The following CES1 variants were observed in gnomAD, a reference collection of about 807,000 sequenced individuals.
CES1 encodes carboxylesterase 1.
A neutral mutation model predicts 53.0 loss-of-function variants in CES1; 50 were observed. The observed-to-expected ratio is 0.94, with a 90% CI of 0.75 to 1.19. CES1 has a LOEUF of 1.19. Ranked by LOEUF, CES1 falls within the 50% of genes most tolerant of loss-of-function variation. CES1 has a pLI of 0.00. For missense variants in CES1, 534 were observed against 538.0 expected (o/e 0.99, Z 0.07); for synonymous variants, 202 against 210.1 (o/e 0.96, Z 0.33).
At chr16:55,823,277 G>C (rs1466907792) in intron 4 of CES1, among the ~76,000 whole-genome samples, 1 of 152,164 alleles carries the variant, frequency 6.6e-6, no homozygotes, top group African/African-American at 2.4e-5. Context: ...TCTTTCAGTG[G>C]AGGTAACTGG....
Position 55,823,463 on chromosome 16 carries a change from T to C in CES1, c.539+87A>G, listed in dbSNP as rs545706705. On this transcript the variant is annotated intron_variant, in intron 4 of 13. Coordinates refer to ENST00000360526, the MANE Select transcript of CES1 (RefSeq NM_001025195.2). ...GCCTTACTGTGGAACCTAGCTAAGCTCCCCTGAGGGCTGGCATGACAAGAG... is the reference window on the plus strand; with the variant it reads ...GCCTTACTGTGGAACCTAGCTAAGCCCCCCTGAGGGCTGGCATGACAAGAG... 7.2e-4 allele frequency: 1,096 copies of C among 1,526,722 alleles called. 2 individuals carry two copies. The highest frequency in any genetic ancestry group is 1.8e-3 in the Admixed American group (104 of 59,288). The allele number at this position is 1,526,722 out of a possible 1,614,324, so 94.6% of individuals were successfully genotyped here.
At chr16:55,808,554 G>T (rs1445855253) in intron 11 of CES1, among the ~76,000 whole-genome samples, 5 of 152,200 alleles carry the variant, frequency 3.3e-5, no homozygotes, top group African/African-American at 4.8e-5. Flanking sequence ...GCAGTGGAAT[G>T]CAATTTTACA....
chr16:55,832,738 T>C (rs1447310512), intron 1 of CES1, among the ~76,000 whole-genome samples: 1 of 152,202 alleles, frequency 6.6e-6, no homozygotes, highest in African/African-American at 2.4e-5. Context: ...AAATTTCTCG[T>C]GTGTGCGGCC....
In CES1 at chr16:55,810,528, C is replaced by A; in HGVS notation, c.1307G>T (p.Arg436Leu). The A allele has an allele frequency of 6.2e-7, 1 of 1,614,120 alleles. No homozygotes were observed. The highest frequency in any genetic ancestry group is 8.5e-7 in the Non-Finnish European group (1 of 1,180,010). ...MFGVPSVIVA[R>L]NHRDAGAPTY... ...CCTCTGGGACTCACCTCTGTGGTTCCGGGCCACAATCACAGATGGGACACC... is the reference window on the plus strand; with the variant it reads ...CCTCTGGGACTCACCTCTGTGGTTCAGGGCCACAATCACAGATGGGACACC... The change falls in exon 11 of 14, where the codon CGG becomes CTG. Residue 436 changes from arginine to leucine, a missense_variant. Physicochemically the swap from Arg to Leu is moderately radical, Grantham distance 102. Coordinates refer to ENST00000360526, the MANE Select transcript of CES1 (RefSeq NM_001025195.2).
chr16:55,810,892 G>A (rs1181219174), intron 10 of CES1, 35 bp downstream of exon 10: 3 of 1,579,540 alleles, frequency 1.9e-6, no homozygotes, highest in Non-Finnish European at 2.6e-6. Flanking sequence ...CCCTCTCTGG[G>A]TCTCAGCCAA....
chr16:55,810,189 C>T (rs2031624214), intron 11 of CES1, among the ~76,000 whole-genome samples: 1 of 152,146 alleles, frequency 6.6e-6, no homozygotes, highest in African/African-American at 2.4e-5. Flanking sequence ...CTTGAGTTTC[C>T]CCGCTCCAGT....
intron 1 of CES1, among the ~76,000 whole-genome samples, chr16:55,831,717 C>T (rs539875225): frequency 6.7e-6 from 1 of 148,964 alleles, no homozygotes; most frequent in East Asian, 2.0e-4. Flanking sequence ...CTCTGCCCTT[C>T]CCCACAGTTC....
At chr16:55,817,039 G>A in intron 7 of CES1, 77 bp from the exon 8 acceptor site, 2 of 1,490,328 alleles carry the variant, frequency 1.3e-6, no homozygotes, top group Non-Finnish European at 1.9e-6. Context: ...GGGCAACAGA[G>A]GTGTCAGGTT....
At chr16:55,808,837 A>G (rs2142309898) in intron 11 of CES1, among the ~76,000 whole-genome samples, 1 of 152,284 alleles carries the variant, frequency 6.6e-6, no homozygotes, top group South Asian at 2.1e-4. Flanking sequence ...ATAGTGTTCT[A>G]TGAACAAAAG....
At chr16:55,814,518 G>A (rs1324691902) in intron 8 of CES1, among the ~76,000 whole-genome samples, 3 of 152,234 alleles carry the variant, frequency 2.0e-5, no homozygotes, top group Non-Finnish European at 4.4e-5. Flanking sequence ...TAAGAGGTGA[G>A]TTATTGTGAG....
intron 9 of CES1, 90 bp from the exon 10 acceptor site, chr16:55,811,100 G>A: frequency 9.4e-7 from 1 of 1,069,420 alleles, no homozygotes; most frequent in Non-Finnish European, 1.4e-6. Context: ...AATGCAGTCT[G>A]AAAGTCCTCT....
At chr16:55,819,905 T>C (rs1349715267) in intron 6 of CES1, 4 of 587,676 alleles carry the variant, frequency 6.8e-6, no homozygotes, top group South Asian at 1.9e-5. Context: ...AAGGTGAATG[T>C]GTCAAGAAAT....
At chr16:55,820,853 C>T (rs568047999) in intron 5 of CES1, among the ~76,000 whole-genome samples, 24 of 152,264 alleles carry the variant, frequency 1.6e-4, no homozygotes, top group Non-Finnish European at 2.2e-4. Flanking sequence ...AAGACTGTCG[C>T]CTCCTTCTTG....
rs181909738 is a variant in CES1 at position 55,830,751 on chromosome 16, A to C, written c.53-1777T>G. Among the ~76,000 whole-genome samples the C allele has an allele frequency of 4.0e-4, 60 of 150,912 alleles. 1 individual carries two copies. The highest frequency in any genetic ancestry group is 1.4e-3 in the African/African-American group (57 of 40,916). ...GAAAGATGGAAGGATGGAAGGAAGG[A>C]AGGAAAGAAGGAAGGAAGGAAAGAA... On this transcript the variant is annotated intron_variant, in intron 1 of 13. Coordinates refer to ENST00000360526, the MANE Select transcript of CES1 (RefSeq NM_001025195.2).
chr16:55,822,374 C>T (rs1239424595), intron 4 of CES1, among the ~76,000 whole-genome samples: 2 of 152,244 alleles, frequency 1.3e-5, no homozygotes, highest in African/African-American at 4.8e-5. Context: ...AAGTAGGGGA[C>T]TCTGAGTGGA....
intron 6 of CES1, 118 bp from the exon 7 acceptor site, chr16:55,819,757 ATAC>A (rs1567499929): frequency 1.1e-6 from 1 of 883,426 alleles, no homozygotes; most frequent in Non-Finnish European, 1.9e-6. Context: ...GCAGCAGAAG[ATAC>A]TGTAGACCCG....
intron 8 of CES1, among the ~76,000 whole-genome samples, chr16:55,815,669 T>G (rs1487707024): frequency 6.6e-6 from 1 of 151,918 alleles, no homozygotes. Flanking sequence ...CAACTACTCC[T>G]CCCATCCCCA....
chr16:55,810,587 G>A lies in CES1; in HGVS notation c.1248C>T (p.Asp416=). 1 of 1,614,142 alleles carries A rather than the reference G, an allele frequency of 6.2e-7. No individual in the cohort carries two copies. The highest frequency in any genetic ancestry group is 8.5e-7 in the Non-Finnish European group (1 of 1,180,016). ...GGTDDTVKKK[D]LFLDLIADVM... ...CATCTGCTATCAAGTCCAGGAACAG[G>A]TCTTTCTTTTTGACAGTGTCGTCTG... is the stretch of plus-strand genomic sequence containing the variant. Residue 416 remains aspartate, a synonymous_variant, in exon 11 of 14, where the codon GAC becomes GAT. Transcript: ENST00000360526.
intron 2 of CES1, among the ~76,000 whole-genome samples, chr16:55,827,253 G>A (rs2032453851): frequency 1.4e-5 from 2 of 145,850 alleles, no homozygotes; most frequent in South Asian, 4.3e-4. Flanking sequence ...ATTTTCCTAA[G>A]ATCACCAAGT....
Sources: gnomAD v4.1 joint callset for allele counts (sites outside exome capture counted in the v4.1 genomes callset) on GRCh38, gnomAD v4.1.1 for gene constraint, MANE v1.5 for transcripts, NCBI Gene and HGNC (gene_info 2026-07-23, HGNC 2026-07-21) for gene names.